Variants in MARCHF8 observed in about 807,000 individuals in gnomAD.
MARCHF8 encodes the protein E3 ubiquitin-protein ligase MARCHF8.
In MARCHF8, 40 loss-of-function variants were observed where a neutral mutation model predicts 51.6. The observed-to-expected ratio is 0.77, with a 90% CI of 0.60 to 1.01. The LOEUF is 1.01. Ranked by LOEUF, MARCHF8 falls within the 50% of genes least tolerant of loss-of-function variation. The pLI, the probability that MARCHF8 is intolerant of heterozygous loss-of-function variation, is 0.00. For missense variants in MARCHF8, 685 were observed against 708.6 expected (o/e 0.97, Z 0.38); for synonymous variants, 263 against 280.3 (o/e 0.94, Z 0.62).
chr10:45,576,911 T>G lies in MARCHF8; in HGVS notation c.-79+17324A>C, dbSNP rs1328384536. Among the ~76,000 whole-genome samples, 4 of 149,232 alleles carry G rather than the reference T, an allele frequency of 2.7e-5. No homozygotes were observed. The Admixed American group carries it at 2.7e-4, about 10-fold the overall frequency. The stretch of plus-strand genomic sequence containing the variant: ...AGTCAAGGCTACAGTGAGCTACAAT[T>G]GCACCACTGCACTCCAGCCTGGGTG... On this transcript the variant is annotated intron_variant, in intron 1 of 6. Coordinates refer to the MARCHF8 transcript ENST00000319836.
chr10:45,550,322 T>G (rs1337773735), intron 1 of MARCHF8, among the ~76,000 whole-genome samples: 1 of 152,214 alleles, frequency 6.6e-6, no homozygotes, highest in Non-Finnish European at 1.5e-5. Flanking sequence ...CGCTTGAAGA[T>G]CTCACGTTCC....
chr10:45,550,168 C>T (rs2044178755), intron 1 of MARCHF8, among the ~76,000 whole-genome samples: 1 of 152,072 alleles, frequency 6.6e-6, no homozygotes, highest in Admixed American at 6.6e-5. Flanking sequence ...GTTTTCACAC[C>T]TATTATAAAT....
intron 1 of MARCHF8, among the ~76,000 whole-genome samples, chr10:45,546,781 CAAAA>C (rs35226792): frequency 8.9e-6 from 1 of 112,628 alleles, no homozygotes; most frequent in Admixed American, 9.2e-5. Context: ...GAACCTGTCT[CAAAA>C]AAAAAAAAAA....
Position 45,459,195 on chromosome 10 carries a change from T to C in MARCHF8, c.1342A>G (p.Ile448Val). 2 of 1,614,130 alleles carry C rather than the reference T, an allele frequency of 1.2e-6. No individual in the cohort carries two copies. The highest frequency in any genetic ancestry group is 1.1e-5 in the South Asian group (1 of 91,076). ...TACAAGGACCAGACCACACATGTGA[T>C]GGCAATGACGTGGAATGTCACTGAG... ...MCSVTFHVIA[I>V]TCVVWSLYVL... Residue 448 changes from isoleucine to valine, a missense_variant, in exon 7 of 8, where the codon ATC (isoleucine) becomes GTC (valine). Coordinates refer to ENST00000453424, the MANE Select transcript of MARCHF8 (RefSeq NM_001282866.2).
rs58823793 is a variant in MARCHF8, at chr10:45,517,624, C to T, written c.102+15486G>A. ...TGAACAGATGCCGGTGTCAGGCTTCCTGTACAGCCTACAGAACCACGAGGC... is the reference window on the plus strand; with the variant it reads ...TGAACAGATGCCGGTGTCAGGCTTCTTGTACAGCCTACAGAACCACGAGGC... On this transcript the variant is annotated intron_variant, in intron 2 of 7. Coordinates refer to ENST00000453424, the MANE Select transcript of MARCHF8 (RefSeq NM_001282866.2). 1.8e-3 allele frequency among the ~76,000 whole-genome samples: 269 copies of T among 152,354 alleles called. 9 individuals carry two copies. The East Asian group carries it at 0.047, about 27-fold the overall frequency.
At chr10:45,548,962 T>A (rs2044161688) in intron 1 of MARCHF8, among the ~76,000 whole-genome samples, 1 of 145,062 alleles carries the variant, frequency 6.9e-6, no homozygotes, top group Non-Finnish European at 1.5e-5. Flanking sequence ...GCCATTGCAC[T>A]CCAGCCTGGG....
intron 3 of MARCHF8, among the ~76,000 whole-genome samples, chr10:45,472,074 T>C (rs962541129): frequency 2.0e-5 from 3 of 152,170 alleles, no homozygotes; most frequent in African/African-American, 7.2e-5. Flanking sequence ...GACAGAAACA[T>C]GGCAGGCAGG....
chr10:45,556,457 C>G (rs17451208), intron 1 of MARCHF8, among the ~76,000 whole-genome samples: 9,394 of 152,252 alleles, frequency 0.062, 334 homozygotes, highest in Non-Finnish European at 0.067. Context: ...AAACAAAAGA[C>G]GCTATGAGTG....
intron 3 of MARCHF8, among the ~76,000 whole-genome samples, chr10:45,479,067 TCC>T (rs573304940): frequency 2.3e-3 from 351 of 152,184 alleles, no homozygotes; most frequent in Middle Eastern, 6.8e-3. Context: ...CAGGCCAATA[TCC>T]CTGATAGGCA....
At chr10:45,529,945 C>T (rs534726947) in intron 2 of MARCHF8, among the ~76,000 whole-genome samples, 1 of 152,220 alleles carries the variant, frequency 6.6e-6, no homozygotes, top group Non-Finnish European at 1.5e-5. Context: ...GGGATCTACG[C>T]AAAGGGAAAG....
intron 1 of MARCHF8, among the ~76,000 whole-genome samples, chr10:45,534,317 C>A (rs2043940497): frequency 6.6e-6 from 1 of 151,954 alleles, no homozygotes; most frequent in Admixed American, 6.6e-5. Flanking sequence ...CAAACACTGC[C>A]GTAAAGGGTT....
At chr10:45,594,742 T>C (rs2044721377) in exon 1 of MARCHF8, 1 of 152,098 alleles carries the variant, frequency 6.6e-6, no homozygotes, top group Non-Finnish European at 1.5e-5. Context: ...CGTGGGGGAC[T>C]CCGATCCTAG....
chr10:45,528,128 C>T (rs1475042873), intron 2 of MARCHF8, among the ~76,000 whole-genome samples: 2 of 152,132 alleles, frequency 1.3e-5, no homozygotes, highest in Non-Finnish European at 2.9e-5. Context: ...ATACAAGAAT[C>T]CCACAGCCAA....
At chr10:45,592,401 T>A (rs1002441289) in intron 1 of MARCHF8, among the ~76,000 whole-genome samples, 2 of 152,160 alleles carry the variant, frequency 1.3e-5, no homozygotes, top group African/African-American at 4.8e-5. Context: ...TCCACGGCTT[T>A]AGAAAATGTC....
chr10:45,564,146 G>C (rs945418999), intron 1 of MARCHF8, among the ~76,000 whole-genome samples: 1 of 152,144 alleles, frequency 6.6e-6, no homozygotes, highest in Non-Finnish European at 1.5e-5. Context: ...TGTGGTGGCA[G>C]GCACCTGTAA....
intron 2 of MARCHF8, among the ~76,000 whole-genome samples, chr10:45,512,063 C>T (rs1366211058): frequency 6.6e-6 from 1 of 151,188 alleles, no homozygotes; most frequent in African/African-American, 2.4e-5. Flanking sequence ...GCCCGGCCGC[C>T]CATCGCCTGA....
rs2044139036 is a variant in MARCHF8 at position 45,547,327 on chromosome 10, G to A, written c.-78-14038C>T. Among the ~76,000 whole-genome samples the A allele has an allele frequency of 2.6e-5, 4 of 152,248 alleles. No individual in the cohort carries two copies. The South Asian group carries it at 8.3e-4, about 32-fold the overall frequency. On this transcript the variant is annotated intron_variant, in intron 1 of 6. Transcript: ENST00000319836. ...TAAATCTCACAGCAGTGCCAGGAGG[G>A]AGAGAAACTTTTATCTCCCTTTCAT...
intron 1 of MARCHF8, among the ~76,000 whole-genome samples, chr10:45,576,894 C>T (rs1000039093): frequency 1.3e-5 from 2 of 150,002 alleles, no homozygotes; most frequent in Non-Finnish European, 3.0e-5. Context: ...GAAGTCAAGG[C>T]TACAGTGAGC....
At chr10:45,520,817 T>G (rs2043693787) in intron 2 of MARCHF8, among the ~76,000 whole-genome samples, 1 of 152,220 alleles carries the variant, frequency 6.6e-6, no homozygotes, top group Non-Finnish European at 1.5e-5. Context: ...AAATATTTTA[T>G]GAGGATTAAA....
Sources: gnomAD v4.1 joint callset for allele counts (sites outside exome capture counted in the v4.1 genomes callset) on GRCh38, gnomAD v4.1.1 for gene constraint, MANE v1.5 for transcripts, NCBI Gene and HGNC (gene_info 2026-07-23, HGNC 2026-07-21) for gene names.